Variants in EYA4 observed in about 807,000 individuals in gnomAD.
EYA4 encodes the protein EYA transcriptional coactivator and phosphatase 4, also known as protein phosphatase EYA4.
EYA4 carries 31 observed loss-of-function variants against 87.9 expected under a neutral mutation model. The ratio of observed to expected loss-of-function variants is 0.35; its 90% CI spans 0.27 to 0.48. EYA4 has a LOEUF of 0.48. EYA4 is among the 20% of genes least tolerant of loss of function. The pLI, the probability that EYA4 is intolerant of heterozygous loss-of-function variation, is 0.99. For missense variants in EYA4, 678 were observed against 761.4 expected (o/e 0.89, Z 1.29); for synonymous variants, 263 against 270.6 (o/e 0.97, Z 0.28).
intron 3 of EYA4, among the ~76,000 whole-genome samples, chr6:133,423,914 C>CA (rs1790430277): frequency 6.6e-6 from 1 of 152,194 alleles, no homozygotes; most frequent in African/African-American, 2.4e-5. Flanking sequence ...ATGAGGTACA[C>CA]AGACAAGTGA....
At chr6:133,482,364 G>A (rs1458972725) in intron 12 of EYA4, among the ~76,000 whole-genome samples, 2 of 152,212 alleles carry the variant, frequency 1.3e-5, no homozygotes, top group Admixed American at 6.5e-5. Flanking sequence ...ACCGGGCTGA[G>A]TTGCCCAGCA....
At chr6:133,469,618 A>C (rs1005860275) in intron 11 of EYA4, among the ~76,000 whole-genome samples, 1 of 151,956 alleles carries the variant, frequency 6.6e-6, no homozygotes, top group Non-Finnish European at 1.5e-5. Context: ...TTTTTCAACA[A>C]ATGGTGCTAG....
At chr6:133,487,667 C>T (rs1796795317) in intron 13 of EYA4, among the ~76,000 whole-genome samples, 1 of 152,104 alleles carries the variant, frequency 6.6e-6, no homozygotes, top group African/African-American at 2.4e-5. Flanking sequence ...CCAATCTTGG[C>T]AAGATTCATC....
intron 2 of EYA4, among the ~76,000 whole-genome samples, chr6:133,320,738 A>G (rs1186206850): frequency 6.6e-6 from 1 of 152,060 alleles, no homozygotes; most frequent in East Asian, 1.9e-4. Flanking sequence ...GTTCATGTGT[A>G]CCCATTGTTT....
At chr6:133,255,506 A>G (rs1453611918) in intron 1 of EYA4, among the ~76,000 whole-genome samples, 1 of 152,192 alleles carries the variant, frequency 6.6e-6, no homozygotes, top group East Asian at 1.9e-4. Flanking sequence ...AAAAGTTTTA[A>G]AAATACGGAT....
At position 133,528,714 on chromosome 6, in the gene EYA4, T is replaced by G. The variant is rs934015137; in HGVS notation, c.1840-11T>G. 8 of 1,601,258 alleles carry G rather than the reference T, an allele frequency of 5.0e-6. No individual in the cohort carries two copies. In the African/African-American group the frequency reaches 1.1e-4, roughly 21 times the overall value. Reference sequence around the variant, plus strand: ...TTCTCTCTCCCATCCCTCCTTCTCCTAACCACACAGCACAACATGCCCTTC... The same window carrying G: ...TTCTCTCTCCCATCCCTCCTTCTCCGAACCACACAGCACAACATGCCCTTC... On this transcript the variant is annotated splice_polypyrimidine_tract_variant and intron_variant, in intron 19 of 19. Transcript: ENST00000355286.
chr6:133,298,715 G>C (rs943954650), intron 2 of EYA4, among the ~76,000 whole-genome samples: 1 of 152,134 alleles, frequency 6.6e-6, no homozygotes, highest in Non-Finnish European at 1.5e-5. Flanking sequence ...TATATAAAGT[G>C]CTCACAGCAG....
rs183564340 is a variant in EYA4 at position 133,516,400 on chromosome 6, T to C, written c.1616+965T>C. Among the ~76,000 whole-genome samples the C allele has an allele frequency of 1.1e-4, 16 of 152,054 alleles. 1 individual carries two copies. The highest frequency in any genetic ancestry group is 1.0e-3 in the Admixed American group (16 of 15,254). ...AAATAAAAGTCAAAAAAAAAGAATC[T>C]GTCAGCATTTCCATTAAGAAAAGAT... On this transcript the variant is annotated intron_variant, in intron 17 of 19. Coordinates refer to ENST00000355286, the MANE Select transcript of EYA4 (RefSeq NM_004100.5).
At chr6:133,507,622 A>G (rs1457775322) in intron 14 of EYA4, among the ~76,000 whole-genome samples, 4 of 151,938 alleles carry the variant, frequency 2.6e-5, no homozygotes, top group African/African-American at 9.7e-5. Context: ...GAGAACATGC[A>G]TTGTTTGGTT....
At chr6:133,262,384 G>C (rs1775869600) in intron 1 of EYA4, among the ~76,000 whole-genome samples, 1 of 152,222 alleles carries the variant, frequency 6.6e-6, no homozygotes, top group Non-Finnish European at 1.5e-5. Context: ...TACTGGTAGG[G>C]AAGAGCAATA....
At chr6:133,445,960 G>T (rs1250786534) in intron 3 of EYA4, among the ~76,000 whole-genome samples, 1 of 152,218 alleles carries the variant, frequency 6.6e-6, no homozygotes, top group Non-Finnish European at 1.5e-5. Context: ...AATCTCTGGA[G>T]CAAACTTAAG....
At chr6:133,346,264 G>T (rs1783184931) in intron 2 of EYA4, among the ~76,000 whole-genome samples, 1 of 152,178 alleles carries the variant, frequency 6.6e-6, no homozygotes, top group South Asian at 2.1e-4. Flanking sequence ...ATTTTGGTCA[G>T]ATTTGGGGCT....
chr6:133,296,512 G>A (rs2128306469), intron 2 of EYA4, among the ~76,000 whole-genome samples: 1 of 152,170 alleles, frequency 6.6e-6, no homozygotes, highest in South Asian at 2.1e-4. Flanking sequence ...AATGAGGAGT[G>A]GTAGAATTCT....
intron 5 of EYA4, among the ~76,000 whole-genome samples, chr6:133,450,974 G>A (rs959787346): frequency 6.6e-6 from 1 of 152,190 alleles, no homozygotes; most frequent in African/African-American, 2.4e-5. Context: ...ATGGAACATA[G>A]ATTTTCCTTT....
At chr6:133,422,235 G>A (rs1280066831) in intron 3 of EYA4, among the ~76,000 whole-genome samples, 1 of 152,048 alleles carries the variant, frequency 6.6e-6, no homozygotes, top group African/African-American at 2.4e-5. Context: ...ATTGCTCCTT[G>A]AGAAAAACAC....
chr6:133,525,150 C>G lies in EYA4; in HGVS notation c.1739-4C>G, dbSNP rs778226541. 3.7e-6 allele frequency: 6 copies of G among 1,613,422 alleles called. No homozygotes were observed. Among genetic ancestry groups the G allele is most frequent in the Non-Finnish European group, 5.1e-6 (6 of 1,179,714 alleles). ...CTCTGAACTTTATCTCATTTATCTT[C>G]CAGGAAAAGAAAGTTGCTTTGAACG... On this transcript the variant is annotated splice_region_variant and splice_polypyrimidine_tract_variant and intron_variant, in intron 18 of 19. Transcript: ENST00000355286.
At chr6:133,284,878 A>T (rs920329101) in intron 2 of EYA4, among the ~76,000 whole-genome samples, 2 of 152,174 alleles carry the variant, frequency 1.3e-5, no homozygotes, top group Admixed American at 6.6e-5. Context: ...AAACAAATAT[A>T]GTATGTCAGA....
chr6:133,436,215 G>A (rs908722330), intron 3 of EYA4, among the ~76,000 whole-genome samples: 2 of 149,584 alleles, frequency 1.3e-5, no homozygotes, highest in South Asian at 2.1e-4. Flanking sequence ...GCAAGACTCC[G>A]TCTTGAGGAA....
At chr6:133,450,404 G>A (rs749091579) in intron 5 of EYA4, among the ~76,000 whole-genome samples, 6 of 152,130 alleles carry the variant, frequency 3.9e-5, no homozygotes, top group Non-Finnish European at 7.3e-5. Flanking sequence ...TGTTGGAATT[G>A]TATCACTTCA....
Sources: gnomAD v4.1 joint callset for allele counts (sites outside exome capture counted in the v4.1 genomes callset) on GRCh38, gnomAD v4.1.1 for gene constraint, MANE v1.5 for transcripts, NCBI Gene and HGNC (gene_info 2026-07-23, HGNC 2026-07-21) for gene names.